GRIP1: variants seen among roughly 807,000 people sequenced by gnomAD.
GRIP1 encodes the protein glutamate receptor-interacting protein 1.
A neutral mutation model predicts 129.9 loss-of-function variants in GRIP1; 45 were observed. That is an observed-to-expected ratio of 0.35 (90% CI 0.27 to 0.44). The LOEUF (loss-of-function observed/expected upper bound fraction) is 0.44, where lower values mean the gene tolerates loss of function less well. Ranked by LOEUF, GRIP1 falls within the 20% of genes least tolerant of loss-of-function variation. The pLI is 1.00. For missense variants in GRIP1, 1,196 were observed against 1,396.8 expected (o/e 0.86, Z 2.29); for synonymous variants, 530 against 520.8 (o/e 1.02, Z -0.24).
chr12:66,963,946 T>A (rs185583063), intron 1 of GRIP1, among the ~76,000 whole-genome samples: 6 of 152,302 alleles, frequency 3.9e-5, no homozygotes, highest in Middle Eastern at 3.4e-3. Context: ...TGTCAGTGCC[T>A]ACACCAGGAA....
At position 66,437,350 on chromosome 12, in the gene GRIP1, A is replaced by G. The variant is rs2058340697; in HGVS notation, c.1688-4722T>C. On this transcript the variant is annotated intron_variant, in intron 13 of 24. Coordinates refer to ENST00000359742, the MANE Select transcript of GRIP1 (RefSeq NM_001366722.1). ...TAACTAGAGTGTTTTATTGAGGACT[A>G]TGATGCTGTATCTGGGCTCAGCGGG... 3.0e-5 allele frequency among the ~76,000 whole-genome samples: 4 copies of G among 133,944 alleles called. No individual in the cohort carries two copies. In the South Asian group the frequency reaches 7.8e-4, roughly 26 times the overall value. 87.9% of individuals were successfully genotyped at this position (133,944 alleles called of 152,430 possible).
intron 1 of GRIP1, among the ~76,000 whole-genome samples, chr12:67,021,500 A>G (rs1345551954): frequency 6.6e-6 from 1 of 152,138 alleles, no homozygotes; most frequent in Admixed American, 6.6e-5. Flanking sequence ...GATATACTAC[A>G]ATTTATTTTT....
chr12:66,470,889 G>A (rs2059421039), intron 7 of GRIP1, among the ~76,000 whole-genome samples: 2 of 115,206 alleles, frequency 1.7e-5, no homozygotes, highest in Admixed American at 8.5e-5. Flanking sequence ...AGTAGAACCA[G>A]GATTCAGAAA....
At chr12:66,658,758 A>G (rs1028772985) in intron 1 of GRIP1, among the ~76,000 whole-genome samples, 3 of 151,816 alleles carry the variant, frequency 2.0e-5, no homozygotes, top group Non-Finnish European at 2.9e-5. Flanking sequence ...AAATAAAATA[A>G]GATAAAATAA....
intron 2 of GRIP1, among the ~76,000 whole-genome samples, chr12:66,578,561 G>A (rs1013038351): frequency 1.3e-5 from 2 of 152,194 alleles, no homozygotes; most frequent in Admixed American, 1.3e-4. Flanking sequence ...CCCAAATACT[G>A]CGCTTTTCCA....
In GRIP1 at chr12:66,678,943, C is replaced by T; in HGVS notation, c.-39G>A. On this transcript the variant is annotated 5_prime_UTR_variant, in exon 1 of 25. Transcript: ENST00000359742. Reference sequence around the variant, plus strand: ...TTTCTGTGGCAAAGTGTACTCAAGGCTCTCTGCTCTGGTGGCTGCAGCAGC... The same window carrying T: ...TTTCTGTGGCAAAGTGTACTCAAGGTTCTCTGCTCTGGTGGCTGCAGCAGC... 1.2e-6 allele frequency: 2 copies of T among 1,612,814 alleles called. No homozygotes were observed. The highest frequency in any genetic ancestry group is 8.5e-7 in the Non-Finnish European group (1 of 1,179,230).
At chr12:66,744,201 T>C (rs1288430202) in intron 1 of GRIP1, among the ~76,000 whole-genome samples, 12 of 152,124 alleles carry the variant, frequency 7.9e-5, no homozygotes, top group Non-Finnish European at 1.5e-4. Context: ...AATAAAACAT[T>C]GCCTAAATCT....
chr12:66,897,161 T>C (rs2137254511), intron 1 of GRIP1, among the ~76,000 whole-genome samples: 1 of 152,316 alleles, frequency 6.6e-6, no homozygotes, highest in Middle Eastern at 3.4e-3. Context: ...GAAGATGGCA[T>C]GAATCAATGC....
At position 66,949,710 on chromosome 12, in the gene GRIP1, A is replaced by G. The variant is rs116711276; in HGVS notation, c.58+119340T>C. 3.7e-3 allele frequency among the ~76,000 whole-genome samples: 563 copies of G among 151,586 alleles called. 6 individuals are homozygous for G. The highest frequency in any genetic ancestry group is 0.012 in the African/African-American group (512 of 41,332). ...CATATCACTGATCTGCACCCCTCAA[A>G]AGTTGACTATAAATCTAAGATTATG... On this transcript the variant is annotated intron_variant, in intron 1 of 1. Transcript: ENST00000643019.
At chr12:66,542,367 G>T (rs1248789648) in intron 2 of GRIP1, among the ~76,000 whole-genome samples, 2 of 152,180 alleles carry the variant, frequency 1.3e-5, no homozygotes, top group African/African-American at 4.8e-5. Flanking sequence ...CACACTCCAA[G>T]TTCATGGTAT....
intron 13 of GRIP1, among the ~76,000 whole-genome samples, chr12:66,435,508 A>G (rs562639227): frequency 6.6e-6 from 1 of 152,184 alleles, no homozygotes; most frequent in East Asian, 1.9e-4. Flanking sequence ...TGTCCTACCC[A>G]TTTAATATTT....
At chr12:67,028,094 C>T (rs1212833043) in intron 1 of GRIP1, among the ~76,000 whole-genome samples, 1 of 152,176 alleles carries the variant, frequency 6.6e-6, no homozygotes, top group Non-Finnish European at 1.5e-5. Flanking sequence ...CTGGACCCAA[C>T]AATATCTTCC....
intron 1 of GRIP1, among the ~76,000 whole-genome samples, chr12:66,711,828 A>G (rs552624831): frequency 3.3e-5 from 5 of 152,038 alleles, no homozygotes; most frequent in African/African-American, 1.2e-4. Context: ...AGAACACTCA[A>G]ACAATTACTT....
chr12:67,053,146 G>A (rs2043375368), intron 1 of GRIP1, among the ~76,000 whole-genome samples: 1 of 152,150 alleles, frequency 6.6e-6, no homozygotes, highest in South Asian at 2.1e-4. Flanking sequence ...GTCTGCAGGA[G>A]GAAGGGGTAG....
At chr12:66,598,685 T>C (rs2064153777) in intron 1 of GRIP1, among the ~76,000 whole-genome samples, 2 of 152,216 alleles carry the variant, frequency 1.3e-5, no homozygotes, top group South Asian at 4.1e-4. Context: ...TGGGATTCTT[T>C]ATAAGACTGC....
chr12:66,863,779 G>A (rs906752486), intron 1 of GRIP1, among the ~76,000 whole-genome samples: 32 of 152,018 alleles, frequency 2.1e-4, no homozygotes, highest in African/African-American at 7.5e-4. Context: ...ACTGCAGATC[G>A]ATAATTTTAT....
At chr12:66,515,818 T>A in intron 6 of GRIP1, 54 bp from the exon 7 acceptor site, 20 of 1,484,590 alleles carry the variant, frequency 1.3e-5, no homozygotes, top group Non-Finnish European at 1.9e-5. Flanking sequence ...TGGGGCTTAG[T>A]ATTAATAGTC....
At position 66,664,344 on chromosome 12, in the gene GRIP1, T is replaced by C. The variant is rs574175513; in HGVS notation, c.55+14506A>G. Reference sequence around the variant, plus strand: ...TAGTGAGTCAACAGAGAAAGAGTTTTAAAAATAACTTTATATTTTTGCCAC... The same window carrying C: ...TAGTGAGTCAACAGAGAAAGAGTTTCAAAAATAACTTTATATTTTTGCCAC... On this transcript the variant is annotated intron_variant, in intron 1 of 24. Coordinates refer to ENST00000359742, the MANE Select transcript of GRIP1 (RefSeq NM_001366722.1). 3.3e-5 allele frequency among the ~76,000 whole-genome samples: 5 copies of C among 152,352 alleles called. No homozygotes were observed. In the South Asian group the frequency reaches 1.0e-3, roughly 32 times the overall value.
intron 1 of GRIP1, among the ~76,000 whole-genome samples, chr12:67,014,389 G>A (rs1399921809): frequency 6.6e-6 from 1 of 152,214 alleles, no homozygotes; most frequent in Non-Finnish European, 1.5e-5. Flanking sequence ...GCAGTTAGGA[G>A]AAACCAAAGC....
Sources: allele counts gnomAD v4.1 joint callset (sites outside exome capture counted in the v4.1 genomes callset), GRCh38; gene constraint gnomAD v4.1.1; transcripts MANE v1.5; gene names NCBI Gene and HGNC (gene_info 2026-07-23, HGNC 2026-07-21).